Variants in LVRN observed in about 807,000 individuals in gnomAD.
LVRN encodes the protein laeverin.
A neutral mutation model predicts 111.4 loss-of-function variants in LVRN; 99 were observed. That is an observed-to-expected ratio of 0.89 (90% CI 0.76 to 1.05). The LOEUF (loss-of-function observed/expected upper bound fraction) is 1.05, where lower values mean the gene tolerates loss of function less well. LVRN is among the 50% of genes least tolerant of loss of function. The pLI, the probability that LVRN is intolerant of heterozygous loss-of-function variation, is 0.00. For missense variants in LVRN, 1,414 were observed against 1,206.8 expected (o/e 1.17, Z -2.54); for synonymous variants, 488 against 449.5 (o/e 1.09, Z -1.08).
chr5:115,979,263 C>T (rs1753513210), intron 1 of LVRN, among the ~76,000 whole-genome samples: 1 of 152,134 alleles, frequency 6.6e-6, no homozygotes, highest in African/African-American at 2.4e-5. Flanking sequence ...AGGAGTTAGA[C>T]CTTGGCCATA....
intron 9 of LVRN, 67 bp downstream of exon 9, chr5:116,000,725 G>C (rs557133581): frequency 3.7e-4 from 564 of 1,532,730 alleles, no homozygotes; most frequent in Non-Finnish European, 4.8e-4. Context: ...AAGACTGGGA[G>C]GCCATGGGTG....
At chr5:116,006,112 G>T in intron 13 of LVRN, 145 bp downstream of exon 13, 1 of 603,444 alleles carries the variant, frequency 1.7e-6, no homozygotes, top group Non-Finnish European at 2.7e-6. Flanking sequence ...AGCTGCAATG[G>T]AATTTTATAA....
chr5:115,967,665 T>G lies in LVRN; in HGVS notation c.695+4353T>G, dbSNP rs148834209. Among the ~76,000 whole-genome samples the G allele has an allele frequency of 4.9e-3, 740 of 152,362 alleles. 7 individuals carry two copies. Among genetic ancestry groups the G allele is most frequent in the African/African-American group, 0.017 (700 of 41,584 alleles). On this transcript the variant is annotated intron_variant, in intron 1 of 19. Transcript: ENST00000357872. ...TATTAGGATTTTGATAGGACCTATG[T>G]TAAACCTTTATGTAAATTTAGGGAG...
In LVRN at chr5:116,027,394, G is replaced by GC. The variant is rs1162481392; in HGVS notation, c.*1278dup. 6.6e-6 allele frequency: 1 copy of GC among 152,158 alleles called. No homozygotes were observed. The highest frequency in any genetic ancestry group is 2.4e-5 in the African/African-American group (1 of 41,438). The allele number at this position is 152,158 out of a possible 1,614,324, so 9.4% of individuals were successfully genotyped here. A position where few individuals can be genotyped will look rare whatever the true frequency, so the allele number is the denominator to read the frequency against. ...CCTATTTCTTGTATAAGTTAAGGCA[G>GC]CCATAAATGAAAATACAAAACAAAC... On this transcript the variant is annotated 3_prime_UTR_variant, in exon 20 of 20. Coordinates refer to ENST00000357872, the MANE Select transcript of LVRN (RefSeq NM_173800.5).
chr5:116,001,078 C>T lies in LVRN; in HGVS notation c.1659C>T (p.Asp553=). 1 of 1,606,368 alleles carries T rather than the reference C, an allele frequency of 6.2e-7. No individual in the cohort carries two copies. Among genetic ancestry groups the T allele is most frequent in the Non-Finnish European group, 8.5e-7 (1 of 1,178,030 alleles). Reference sequence around the variant, plus strand: ...ATTTTTTAAAACAGGCCATAGATGACCAGAGTACAGTTATTTTGCCAGCAA... The same window carrying T: ...ATTTTTTAAAACAGGCCATAGATGATCAGAGTACAGTTATTTTGCCAGCAA... ...LWRHFQMAID[D]QSTVILPATI... Residue 553 remains aspartate (D), a synonymous_variant, in exon 10 of 20, where the codon GAC becomes GAT. Coordinates refer to ENST00000357872, the MANE Select transcript of LVRN (RefSeq NM_173800.5).
intron 4 of LVRN, among the ~76,000 whole-genome samples, chr5:115,990,492 G>C (rs1747962207): frequency 6.6e-6 from 1 of 151,900 alleles, no homozygotes; most frequent in Non-Finnish European, 1.5e-5. Context: ...TGTGGTATAT[G>C]CTTTAAATAT....
intron 9 of LVRN, 78 bp from the exon 10 acceptor site, chr5:116,000,989 A>T (rs1459440378): frequency 6.8e-7 from 1 of 1,466,740 alleles, no homozygotes; most frequent in East Asian, 2.3e-5. Context: ...ATAGCTACCG[A>T]GTTTCTTTTT....
At chr5:116,024,555 A>G (rs1748824415) in intron 19 of LVRN, among the ~76,000 whole-genome samples, 1 of 152,174 alleles carries the variant, frequency 6.6e-6, no homozygotes, top group African/African-American at 2.4e-5. Flanking sequence ...AGCACATTAC[A>G]CCCAGAACAT....
intron 1 of LVRN, among the ~76,000 whole-genome samples, chr5:115,982,926 C>T (rs1194901189): frequency 6.6e-6 from 1 of 152,086 alleles, no homozygotes; most frequent in Admixed American, 6.6e-5. Flanking sequence ...AGCAATGGAC[C>T]ATTCTCAAAG....
At chr5:115,999,669 C>T in intron 6 of LVRN, 93 bp from the exon 7 acceptor site, 1 of 1,365,424 alleles carries the variant, frequency 7.3e-7, no homozygotes, top group Non-Finnish European at 1.0e-6. Flanking sequence ...TCTCCCTCTT[C>T]AATATCAGTT....
At chr5:116,017,948 A>C (rs555369184) in intron 18 of LVRN, among the ~76,000 whole-genome samples, 1 of 152,194 alleles carries the variant, frequency 6.6e-6, no homozygotes, top group Non-Finnish European at 1.5e-5. Context: ...TGAAACACAC[A>C]TTAATGTTGT....
intron 3 of LVRN, among the ~76,000 whole-genome samples, chr5:115,985,808 C>T (rs903268548): frequency 9.2e-5 from 14 of 152,206 alleles, no homozygotes; most frequent in Admixed American, 5.9e-4. Context: ...GCTTTATATG[C>T]TTGTTCACTC....
rs748807072 is a variant in LVRN at position 115,992,249 on chromosome 5, A to G, written c.1232A>G (p.Tyr411Cys). The G allele has an allele frequency of 4.3e-6, 7 of 1,613,806 alleles. 1 individual carries two copies. The highest frequency in any genetic ancestry group is 3.3e-5 in the South Asian group (3 of 91,058). ...QLTEKKTLIS[Y>C]VVSHEIGHQW... ...ACAGAAAAAAAGACTCTGATCTCCT[A>G]TGTTGTCTCCCACGAGATTGGACAC... Residue 411 changes from tyrosine to cysteine, a missense_variant, in exon 5 of 20, where the codon TAT becomes TGT. By Grantham distance (194) the Tyr-to-Cys change is radical (BLOSUM62 -2). Transcript: ENST00000357872.
intron 7 of LVRN, among the ~76,000 whole-genome samples, chr5:116,000,156 T>G (rs1467933255): frequency 6.6e-6 from 1 of 152,240 alleles, no homozygotes; most frequent in East Asian, 1.9e-4. Flanking sequence ...TGAACCCTTT[T>G]GCTTGGTGGA....
intron 1 of LVRN, 30 bp downstream of exon 1, chr5:115,963,342 C>A: frequency 6.6e-7 from 1 of 1,515,112 alleles, no homozygotes; most frequent in South Asian, 1.3e-5. Flanking sequence ...GGGCCCCTCT[C>A]GGCCCCCGCC....
intron 1 of LVRN, among the ~76,000 whole-genome samples, chr5:115,969,074 C>T (rs774291779): frequency 6.6e-6 from 1 of 152,180 alleles, no homozygotes; most frequent in Non-Finnish European, 1.5e-5. Flanking sequence ...AAAAAGTCTT[C>T]TCCTTTCAAG....
chr5:115,987,980 T>C (rs1385724716), intron 4 of LVRN, 41 bp downstream of exon 4: 1 of 1,590,946 alleles, frequency 6.3e-7, no homozygotes, highest in Non-Finnish European at 8.5e-7. Flanking sequence ...GGTTTCCTGT[T>C]ATTTGGGCCC....
rs1262271864 is a variant in LVRN, at chr5:115,963,046, A to G, written c.429A>G (p.Arg143=). 1 of 1,613,120 alleles carries G rather than the reference A, an allele frequency of 6.2e-7. No homozygotes were observed. ...TGCGCTGCACGGTGGCCACCTCTCG[A>G]CTGCTGCTGCATAGCCTCTTCCAGG... The part of the protein sequence containing the change: ...ITVRCTVATS[R]LLLHSLFQDC... Residue 143 remains arginine (R), a synonymous_variant, in exon 1 of 20, where the codon CGA becomes CGG. Coordinates refer to ENST00000357872, the MANE Select transcript of LVRN (RefSeq NM_173800.5).
chr5:115,991,442 C>T (rs1343650427), intron 4 of LVRN, among the ~76,000 whole-genome samples: 1 of 152,152 alleles, frequency 6.6e-6, no homozygotes, highest in African/African-American at 2.4e-5. Flanking sequence ...TATCTATTAG[C>T]CTATTTAAGG....
Sources: gnomAD v4.1 joint callset for allele counts (sites outside exome capture counted in the v4.1 genomes callset) on GRCh38, gnomAD v4.1.1 for gene constraint, MANE v1.5 for transcripts, NCBI Gene and HGNC (gene_info 2026-07-23, HGNC 2026-07-21) for gene names.